Variants in CNTNAP5 observed in about 807,000 individuals in gnomAD.
CNTNAP5 encodes contactin-associated protein-like 5.
A neutral mutation model predicts 150.2 loss-of-function variants in CNTNAP5; 72 were observed. The observed-to-expected ratio is 0.48, with a 90% CI of 0.40 to 0.58. The LOEUF (loss-of-function observed/expected upper bound fraction) is 0.58. CNTNAP5 is among the 20% of genes least tolerant of loss of function. The probability of loss-of-function intolerance (pLI) is 0.00; values close to 1 mark genes in which losing one functional copy is unlikely to be tolerated. For missense variants in CNTNAP5, 1,636 were observed against 1,626.2 expected (o/e 1.01, Z -0.10); for synonymous variants, 672 against 619.8 (o/e 1.08, Z -1.25).
At chr2:124,199,413 CT>C (rs70996049) in intron 1 of CNTNAP5, among the ~76,000 whole-genome samples, 1,961 of 109,942 alleles carry the variant, frequency 0.018, 12 homozygotes, top group Middle Eastern at 0.04. Context: ...TTCCAAGGTT[CT>C]TTTTTTTTTT....
chr2:124,369,639 A>C (rs1690467754), intron 3 of CNTNAP5, among the ~76,000 whole-genome samples: 1 of 152,172 alleles, frequency 6.6e-6, no homozygotes, highest in South Asian at 2.1e-4. Flanking sequence ...CAAATGACAC[A>C]ATTTAACCTT....
At chr2:124,589,576 G>A (rs1403211412) in intron 11 of CNTNAP5, among the ~76,000 whole-genome samples, 3 of 151,804 alleles carry the variant, frequency 2.0e-5, no homozygotes, top group African/African-American at 4.8e-5. Flanking sequence ...CTCCTTTTTC[G>A]ACTTTGTACC....
intron 1 of CNTNAP5, among the ~76,000 whole-genome samples, chr2:124,071,284 T>C (rs1001466667): frequency 2.0e-5 from 3 of 151,584 alleles, no homozygotes; most frequent in African/African-American, 7.3e-5. Flanking sequence ...AACCTAACAA[T>C]GCATGTTAGA....
At chr2:124,423,095 A>T (rs1421186431) in intron 4 of CNTNAP5, among the ~76,000 whole-genome samples, 1 of 152,230 alleles carries the variant, frequency 6.6e-6, no homozygotes, top group East Asian at 1.9e-4. Flanking sequence ...TCAAACCAAC[A>T]GACATAGAAA....
At chr2:124,537,329 C>G (rs1415461657) in intron 10 of CNTNAP5, among the ~76,000 whole-genome samples, 2 of 152,082 alleles carry the variant, frequency 1.3e-5, no homozygotes, top group Non-Finnish European at 2.9e-5. Context: ...GCATTTTTGT[C>G]TTGCATTAAA....
chr2:124,592,507 C>T (rs1310131054), intron 11 of CNTNAP5, among the ~76,000 whole-genome samples: 1 of 146,160 alleles, frequency 6.8e-6, no homozygotes, highest in African/African-American at 2.5e-5. Context: ...AATAAATCTA[C>T]AACACATAAA....
intron 1 of CNTNAP5, among the ~76,000 whole-genome samples, chr2:124,123,217 C>A (rs1683609146): frequency 6.6e-6 from 1 of 152,138 alleles, no homozygotes; most frequent in Non-Finnish European, 1.5e-5. Context: ...CTGCACATTT[C>A]CAAAGGTCTT....
chr2:124,272,764 G>A (rs1230700923), intron 3 of CNTNAP5, among the ~76,000 whole-genome samples: 1 of 152,106 alleles, frequency 6.6e-6, no homozygotes, highest in Non-Finnish European at 1.5e-5. Context: ...CACCAGTAAT[G>A]AGGTAAAAGT....
intron 1 of CNTNAP5, among the ~76,000 whole-genome samples, chr2:124,170,767 G>T (rs1684911367): frequency 6.6e-6 from 1 of 152,074 alleles, no homozygotes; most frequent in South Asian, 2.1e-4. Flanking sequence ...TTGGTGAAAA[G>T]AGAACAGGAA....
rs147965955 is a variant in CNTNAP5 at position 124,567,259 on chromosome 2, G to T, written c.1756+3936G>T. ...ATAACAGAATGGAAATTCCCAAAGC[G>T]TGTAGACACAGCATGCTGCTGTCGA... On this transcript the variant is annotated intron_variant, in intron 11 of 23. Transcript: ENST00000682447. Among the ~76,000 whole-genome samples, 402 of 152,240 alleles carry T rather than the reference G, an allele frequency of 2.6e-3. 3 individuals carry two copies. The highest frequency in any genetic ancestry group is 9.1e-3 in the African/African-American group (378 of 41,546).
chr2:124,040,818 T>C (rs1440207188), intron 1 of CNTNAP5, among the ~76,000 whole-genome samples: 3 of 152,164 alleles, frequency 2.0e-5, no homozygotes, highest in Non-Finnish European at 4.4e-5. Context: ...GGTCACAATA[T>C]ATATACTGAG....
chr2:124,621,086 T>C (rs562127707), intron 12 of CNTNAP5, among the ~76,000 whole-genome samples: 36 of 152,248 alleles, frequency 2.4e-4, no homozygotes, highest in African/African-American at 8.2e-4. Context: ...AGATTTTCCT[T>C]GAAACTTGAC....
Position 124,130,409 on chromosome 2 carries a change from T to A in CNTNAP5, c.83-91296T>A, listed in dbSNP as rs537692235. Reference sequence around the variant, plus strand: ...GTGCTTGTTCAGTCTTTTGCCTGTATACCTGCCCCCTCCTCCATCCAAGCT... The same window carrying A: ...GTGCTTGTTCAGTCTTTTGCCTGTAAACCTGCCCCCTCCTCCATCCAAGCT... On this transcript the variant is annotated intron_variant, in intron 1 of 23. Transcript: ENST00000682447. 2.8e-4 allele frequency among the ~76,000 whole-genome samples: 43 copies of A among 152,076 alleles called. 1 individual carries two copies. Among genetic ancestry groups the A allele is most frequent in the Non-Finnish European group, 4.4e-5 (3 of 68,010 alleles).
intron 2 of CNTNAP5, among the ~76,000 whole-genome samples, chr2:124,227,956 A>G (rs1409473670): frequency 6.6e-6 from 1 of 152,028 alleles, no homozygotes; most frequent in Non-Finnish European, 1.5e-5. Context: ...ACATATACAC[A>G]TATATATGAA....
chr2:124,700,715 G>C (rs1679503168), intron 13 of CNTNAP5, among the ~76,000 whole-genome samples: 2 of 151,736 alleles, frequency 1.3e-5, no homozygotes, highest in African/African-American at 4.8e-5. Context: ...CTATATACTA[G>C]GCCCTTGTCT....
chr2:124,039,269 G>A (rs1322528779), intron 1 of CNTNAP5, among the ~76,000 whole-genome samples: 2 of 152,146 alleles, frequency 1.3e-5, no homozygotes, highest in African/African-American at 4.8e-5. Context: ...CTCCAAAAAA[G>A]GAATCTCATG....
intron 19 of CNTNAP5, among the ~76,000 whole-genome samples, chr2:124,860,696 G>A (rs941185485): frequency 3.3e-5 from 5 of 152,002 alleles, no homozygotes; most frequent in African/African-American, 4.8e-5. Context: ...TGATTTGTGC[G>A]AGTTAGGCAA....
At chr2:124,412,543 TG>T (rs1336235140) in intron 3 of CNTNAP5, among the ~76,000 whole-genome samples, 6 of 151,698 alleles carry the variant, frequency 4.0e-5, no homozygotes, top group African/African-American at 1.5e-4. Flanking sequence ...TATAGATCAA[TG>T]GAACAGAGCA....
intron 13 of CNTNAP5, among the ~76,000 whole-genome samples, chr2:124,727,012 A>G (rs747266177): frequency 2.0e-5 from 3 of 152,004 alleles, no homozygotes; most frequent in Non-Finnish European, 4.4e-5. Context: ...TGATTTTTAC[A>G]TATTGCATGA....
Sources: allele counts gnomAD v4.1 joint callset (sites outside exome capture counted in the v4.1 genomes callset), GRCh38; gene constraint gnomAD v4.1.1; transcripts MANE v1.5; gene names NCBI Gene and HGNC (gene_info 2026-07-23, HGNC 2026-07-21).